The following MCUR1 variants were observed in gnomAD, a reference collection of about 807,000 sequenced individuals.
The protein encoded by MCUR1 is MCU regulator 1.
In MCUR1, 37 loss-of-function variants were observed where a neutral mutation model predicts 42.0. That is an observed-to-expected ratio of 0.88 (90% CI 0.68 to 1.16). The LOEUF (loss-of-function observed/expected upper bound fraction) is 1.16. MCUR1 is among the 50% of genes most tolerant of loss of function. MCUR1 has a pLI of 0.00. For missense variants in MCUR1, 469 were observed against 468.4 expected (o/e 1.00, Z -0.01); for synonymous variants, 229 against 196.2 (o/e 1.17, Z -1.40).
chr6:13,811,059 T>C (rs1356563218), intron 1 of MCUR1, among the ~76,000 whole-genome samples: 1 of 152,254 alleles, frequency 6.6e-6, no homozygotes, highest in African/African-American at 2.4e-5. Context: ...CCCTTCTTCA[T>C]TAAATTGCCA....
chr6:13,808,348 GTCTT>G (rs1451769001), intron 1 of MCUR1, among the ~76,000 whole-genome samples: 3 of 152,160 alleles, frequency 2.0e-5, no homozygotes, highest in South Asian at 2.1e-4. Context: ...TAATAGGGTT[GTCTT>G]TCTATTACTG....
chr6:13,814,330 T>A lies in MCUR1; in HGVS notation c.100A>T (p.Ser34Cys), dbSNP rs1207392730. The A allele has an allele frequency of 2.7e-6, 4 of 1,508,370 alleles. No homozygotes were observed. The Admixed American group carries it at 8.3e-5, about 31-fold the overall frequency. 93.4% of individuals were successfully genotyped at this position (1,508,370 alleles called of 1,614,324 possible). ...PVGLSGRPGG[S>C]ETSARRCLSA... The stretch of plus-strand genomic sequence containing the variant: ...AGGCAGCGGCGTGCTGAGGTTTCGC[T>A]GCCGCCCGGTCTTCCGCTGAGGCCC... Residue 34 changes from serine (S) to cysteine (C), a missense_variant, in exon 1 of 9, where the codon AGC becomes TGC. By Grantham distance (112) the Ser-to-Cys change is moderately radical. Coordinates refer to ENST00000379170, the MANE Select transcript of MCUR1 (RefSeq NM_001031713.4).
intron 2 of MCUR1, among the ~76,000 whole-genome samples, chr6:13,806,505 C>A (rs994952253): frequency 4.6e-5 from 7 of 152,154 alleles, no homozygotes; most frequent in African/African-American, 1.7e-4. Flanking sequence ...TTCACTTGGA[C>A]AAAGAGACAA....
chr6:13,788,355 T>G lies in MCUR1; in HGVS notation c.*2454A>C. On this transcript the variant is annotated 3_prime_UTR_variant, in exon 9 of 9. Transcript: ENST00000379170. ...CCAGATATGCATGCAATCCACACCATCAAAAGAAGAGTTCACTGTTCCCAA... is the reference window on the plus strand; with the variant it reads ...CCAGATATGCATGCAATCCACACCAGCAAAAGAAGAGTTCACTGTTCCCAA... The G allele has an allele frequency of 6.6e-6, 1 of 152,230 alleles. No individual in the cohort carries two copies. Among genetic ancestry groups the G allele is most frequent in the East Asian group, 1.9e-4 (1 of 5,174 alleles). 9.4% of individuals were successfully genotyped at this position (152,230 alleles called of 1,614,324 possible). A position where few individuals can be genotyped will look rare whatever the true frequency, so the allele number is the denominator to read the frequency against.
intron 2 of MCUR1, among the ~76,000 whole-genome samples, chr6:13,805,110 G>C (rs1760088559): frequency 1.3e-5 from 2 of 151,844 alleles, no homozygotes; most frequent in South Asian, 4.2e-4. Context: ...AATAACCATG[G>C]GTTAAGGTTT....
intron 7 of MCUR1, among the ~76,000 whole-genome samples, chr6:13,793,125 CAAAA>C (rs781438643): frequency 2.3e-5 from 2 of 87,900 alleles, no homozygotes; most frequent in African/African-American, 4.5e-5. Context: ...GACCCCACCT[CAAAA>C]AAAAAAAAAA....
chr6:13,814,071 G>A lies in MCUR1; in HGVS notation c.359C>T (p.Ala120Val). 3.2e-6 allele frequency: 4 copies of A among 1,238,882 alleles called. No homozygotes were observed. Among genetic ancestry groups the A allele is most frequent in the Non-Finnish European group, 4.0e-6 (4 of 993,490 alleles). The allele number at this position is 1,238,882 out of a possible 1,614,324, so 76.7% of individuals were successfully genotyped here. ...GCCGTGGTACTGGGGAAGGGCGCCG[G>A]CGGCAGCGGCGACGCCCGGTGAGCA... is the stretch of plus-strand genomic sequence containing the variant. Reference protein sequence around the residue: ...WRCSPGVAAAAGALPQYHGPA... With the variant: ...WRCSPGVAAAVGALPQYHGPA... Residue 120 changes from alanine to valine, a missense_variant, in exon 1 of 9, where the codon GCC (alanine) becomes GTC (valine). By Grantham distance (64) the Ala-to-Val change is moderately conservative. Coordinates refer to ENST00000379170, the MANE Select transcript of MCUR1 (RefSeq NM_001031713.4).
rs959727789 is a variant in MCUR1 at position 13,803,695 on chromosome 6, A to C, written c.536-1349T>G. On this transcript the variant is annotated intron_variant, in intron 2 of 8. Coordinates refer to ENST00000379170, the MANE Select transcript of MCUR1 (RefSeq NM_001031713.4). ...TCTTTAATTTTTCAACATGTTATACACATGTCTAGAAAAAAAATACAAAAG... is the reference window on the plus strand; with the variant it reads ...TCTTTAATTTTTCAACATGTTATACCCATGTCTAGAAAAAAAATACAAAAG... 3.2e-6 allele frequency: 3 copies of C among 937,308 alleles called. No homozygotes were observed. The African/African-American group carries it at 5.3e-5, about 17-fold the overall frequency. The allele number at this position is 937,308 out of a possible 1,614,324, so 58.1% of individuals were successfully genotyped here.
intron 1 of MCUR1, among the ~76,000 whole-genome samples, chr6:13,811,046 T>C (rs988547924): frequency 1.3e-5 from 2 of 152,262 alleles, no homozygotes; most frequent in Non-Finnish European, 2.9e-5. Context: ...AGCATTCTTT[T>C]TACCCTTCTT....
intron 1 of MCUR1, among the ~76,000 whole-genome samples, chr6:13,810,859 G>T (rs767791539): frequency 1.9e-4 from 29 of 152,204 alleles, no homozygotes; most frequent in Admixed American, 2.0e-4. Context: ...ACTGGGCCCT[G>T]AGATTCAAAG....
intron 1 of MCUR1, among the ~76,000 whole-genome samples, chr6:13,811,846 T>A (rs1760242092): frequency 6.6e-6 from 1 of 150,962 alleles, no homozygotes. Flanking sequence ...GTAACGCCAA[T>A]TTGGATACTA....
intron 2 of MCUR1, among the ~76,000 whole-genome samples, chr6:13,804,932 G>A (rs35536823): frequency 3.3e-5 from 5 of 151,762 alleles, no homozygotes; most frequent in African/African-American, 1.2e-4. Context: ...TTAACCTGAA[G>A]ACACAGGTCT....
intron 5 of MCUR1, 40 bp downstream of exon 5, chr6:13,800,301 T>C (rs755385427): frequency 1.4e-6 from 2 of 1,380,132 alleles, no homozygotes; most frequent in Admixed American, 2.1e-5. Context: ...TAAGTTTATA[T>C]AATTACAAAC....
At chr6:13,794,895 A>C (rs907600876) in intron 6 of MCUR1, among the ~76,000 whole-genome samples, 15 of 152,222 alleles carry the variant, frequency 9.9e-5, no homozygotes, top group African/African-American at 3.4e-4. Context: ...TATTAATGTC[A>C]GTGAAAAGAT....
rs777462972 is a variant in MCUR1, at chr6:13,790,842, T to C, written c.1047A>G (p.Thr349=). The C allele has an allele frequency of 9.3e-6, 15 of 1,611,784 alleles. No individual in the cohort carries two copies. Among genetic ancestry groups the C allele is most frequent in the African/African-American group, 8.0e-5 (6 of 74,852 alleles). The change falls in exon 9 of 9, where the codon ACA becomes ACG. Residue 349 remains threonine (T), a synonymous_variant. Transcript: ENST00000379170. ...YLAGSIFTCL[T]VALGFYRLWI ...ACAGGCGATAAAATCCCAGAGCTAC[T>C]GTTAGGCACGTAAATATAGACCCTG... is the stretch of plus-strand genomic sequence containing the variant.
In MCUR1 at chr6:13,814,240, ACACGCCGCCG is replaced by A. The variant is rs1760315245; in HGVS notation, c.180_189del (p.Gly61HisfsTer11). 2 of 1,470,250 alleles carry A rather than the reference ACACGCCGCCG, an allele frequency of 1.4e-6. No homozygotes were observed. The highest frequency in any genetic ancestry group is 1.8e-6 in the Non-Finnish European group (2 of 1,118,484). The allele number at this position is 1,470,250 out of a possible 1,614,324, so 91.1% of individuals were successfully genotyped here. A position where few individuals can be genotyped will look rare whatever the true frequency, so the allele number is the denominator to read the frequency against. ...AGGAGGAGCAGCGGTGAGGCACGTG[ACACGCCGCCG>A]CGGGCCGCCGGGGCGCGAGGGCGCA... is the stretch of plus-strand genomic sequence containing the variant. On this transcript the variant is annotated frameshift_variant, in exon 1 of 9. Transcript: ENST00000379170. LOFTEE classifies it high-confidence loss of function.
intron 7 of MCUR1, among the ~76,000 whole-genome samples, chr6:13,792,344 G>A (rs1030724113): frequency 7.9e-5 from 12 of 152,166 alleles, no homozygotes; most frequent in Admixed American, 7.2e-4. Context: ...GGTATTATGA[G>A]GCCAGTCTGT....
chr6:13,808,539 T>G (rs1760160778), intron 1 of MCUR1, among the ~76,000 whole-genome samples: 1 of 152,234 alleles, frequency 6.6e-6, no homozygotes, highest in Non-Finnish European at 1.5e-5. Context: ...TGCCTGTGCT[T>G]TTTTCTTTTG....
chr6:13,795,978 AG>A (rs1388427400), intron 6 of MCUR1, among the ~76,000 whole-genome samples: 2 of 152,260 alleles, frequency 1.3e-5, no homozygotes, highest in African/African-American at 4.8e-5. Context: ...TGTGTCATGT[AG>A]AAAAAGTTAC....
Sources: gnomAD v4.1 joint callset for allele counts (sites outside exome capture counted in the v4.1 genomes callset) on GRCh38, gnomAD v4.1.1 for gene constraint, MANE v1.5 for transcripts, NCBI Gene and HGNC (gene_info 2026-07-23, HGNC 2026-07-21) for gene names.